The following NFU1 variants were observed in gnomAD, a reference collection of about 807,000 sequenced individuals.
NFU1 encodes NFU1 iron-sulfur cluster scaffold homolog, mitochondrial.
Under a neutral mutation model 32.2 loss-of-function variants are expected in NFU1, and 30 were observed. The ratio of observed to expected loss-of-function variants is 0.93; its 90% confidence interval spans 0.70 to 1.26. The LOEUF is 1.26. Ranked by LOEUF, NFU1 falls within the 50% of genes most tolerant of loss-of-function variation. The pLI is 0.00. For synonymous variants in NFU1, 112 were observed against 104.6 expected (o/e 1.07, Z -0.43); for missense variants, 306 against 306.6 (o/e 1.00, Z 0.02).
At chr2:69,397,073 C>CAA (rs770570734) in intron 7 of NFU1, among the ~76,000 whole-genome samples, 14 of 111,202 alleles carry the variant, frequency 1.3e-4, no homozygotes, top group African/African-American at 4.3e-4. Flanking sequence ...GACTCCGTCT[C>CAA]AAAAAAAAAA....
downstream of NFU1, chr2:69,396,053 C>A: frequency 2.0e-6 from 1 of 504,270 alleles, no homozygotes. Flanking sequence ...TGGATAAAAT[C>A]CACGTGTACA....
At chr2:69,413,121 C>T (rs1458923626) in intron 5 of NFU1, among the ~76,000 whole-genome samples, 1 of 151,152 alleles carries the variant, frequency 6.6e-6, no homozygotes, top group East Asian at 2.0e-4. Flanking sequence ...CCCGTCTCTA[C>T]TAAAAATAGA....
At chr2:69,421,834 T>C (rs1281694657) in intron 3 of NFU1, among the ~76,000 whole-genome samples, 1 of 152,028 alleles carries the variant, frequency 6.6e-6, no homozygotes, top group Non-Finnish European at 1.5e-5. Context: ...AGTGCTGGGA[T>C]TACAGGGATG....
upstream of NFU1, chr2:69,437,543 T>C: frequency 7.9e-7 from 1 of 1,269,786 alleles, no homozygotes; most frequent in Non-Finnish European, 1.1e-6. Flanking sequence ...CGGGCGGTCC[T>C]GCTGCGGATA....
chr2:69,416,634 A>G (rs182370954), intron 4 of NFU1, among the ~76,000 whole-genome samples: 147 of 152,314 alleles, frequency 9.7e-4, no homozygotes, highest in Middle Eastern at 3.4e-3. Flanking sequence ...ATGGTGGCTC[A>G]TGCCTGTAAT....
chr2:69,424,219 A>ATATATATC (rs1427664911), intron 2 of NFU1, among the ~76,000 whole-genome samples: 103 of 126,866 alleles, frequency 8.1e-4, no homozygotes, highest in African/African-American at 2.9e-3. Context: ...ATATATATAT[A>ATATATATC]TCTCAATATA....
At chr2:69,404,660 C>T (rs1313976170) in intron 6 of NFU1, among the ~76,000 whole-genome samples, 11 of 80,216 alleles carry the variant, frequency 1.4e-4, no homozygotes, top group Non-Finnish European at 1.6e-4. Flanking sequence ...TTGCTCGTCG[C>T]CCAGGCTGGA....
intron 4 of NFU1, among the ~76,000 whole-genome samples, chr2:69,418,931 A>C (rs554204711): frequency 6.6e-6 from 1 of 152,352 alleles, no homozygotes; most frequent in East Asian, 1.9e-4. Flanking sequence ...TACATAGTTC[A>C]AATTTAAATA....
chr2:69,406,940 T>C (rs933707153), intron 5 of NFU1, among the ~76,000 whole-genome samples: 8 of 152,166 alleles, frequency 5.3e-5, no homozygotes, highest in African/African-American at 1.7e-4. Flanking sequence ...CGAGATCTGA[T>C]CGTTTTATAA....
chr2:69,432,035 T>G lies in NFU1; in HGVS notation c.63-30A>C, dbSNP rs777509270. 5.7e-6 allele frequency: 8 copies of G among 1,409,612 alleles called. No homozygotes were observed. The Admixed American group carries it at 1.3e-4, about 24-fold the overall frequency. The allele number at this position is 1,409,612 out of a possible 1,614,324, so 87.3% of individuals were successfully genotyped here. A position where few individuals can be genotyped will look rare whatever the true frequency, so the allele number is the denominator to read the frequency against. On this transcript the variant is annotated intron_variant, in intron 1 of 7. Transcript: ENST00000410022. The stretch of plus-strand genomic sequence containing the variant: ...ATTTAAAAGCACATAATGAATGACA[T>G]TTTAAGAGCTCTAATCTTTTAAAGT...
chr2:69,432,047 T>C (rs751563868), intron 1 of NFU1, 42 bp from the exon 2 acceptor site: 1 of 1,328,536 alleles, frequency 7.5e-7, no homozygotes. Context: ...TTAAGAGCTC[T>C]AATCTTTTAA....
Position 69,400,345 on chromosome 2 carries a change from T to C in NFU1, c.720+19A>G. On this transcript the variant is annotated intron_variant, in intron 7 of 7. Coordinates refer to ENST00000410022, the MANE Select transcript of NFU1 (RefSeq NM_001002755.4). The stretch of plus-strand genomic sequence containing the variant: ...GAAAAAATGAAAAAAATCTAGACTG[T>C]CATATAATATTGGCATACCTGTTCT... 6.2e-7 allele frequency: 1 copy of C among 1,605,330 alleles called. No individual in the cohort carries two copies. The highest frequency in any genetic ancestry group is 8.5e-7 in the Non-Finnish European group (1 of 1,172,040).
intron 2 of NFU1, among the ~76,000 whole-genome samples, chr2:69,425,450 G>GGA (rs1558842035): frequency 1.3e-5 from 2 of 151,274 alleles, no homozygotes; most frequent in Non-Finnish European, 2.9e-5. Context: ...TGCCCCCTAA[G>GGA]TTCAAGTGAT....
intron 2 of NFU1, among the ~76,000 whole-genome samples, chr2:69,429,289 T>A (rs932075666): frequency 6.6e-5 from 10 of 152,152 alleles, no homozygotes; most frequent in Admixed American, 5.2e-4. Flanking sequence ...TTCAACTGGG[T>A]GCATCAGCTC....
chr2:69,437,470 C>A, upstream of NFU1: 1 of 1,591,780 alleles, frequency 6.3e-7, no homozygotes. Flanking sequence ...CACGAAAGAT[C>A]TGCGCAGCCG....
At chr2:69,437,597 C>A (rs764708513), upstream of NFU1, 41 of 773,822 alleles carry the variant, frequency 5.3e-5, 1 homozygote, top group East Asian at 1.1e-3. Context: ...TACTGCGTCA[C>A]CCTGACCAAG....
At chr2:69,437,556 T>C (rs768859205), upstream of NFU1, 98 of 1,086,850 alleles carry the variant, frequency 9.0e-5, no homozygotes, top group Admixed American at 1.2e-4. Flanking sequence ...TGCGGATAAG[T>C]GCGGTGGCCT....
chr2:69,429,164 T>A (rs1221877595), intron 2 of NFU1, among the ~76,000 whole-genome samples: 1 of 152,226 alleles, frequency 6.6e-6, no homozygotes, highest in Non-Finnish European at 1.5e-5. Context: ...TTTCTGTAAA[T>A]AATCTTCTAA....
chr2:69,403,925 G>A (rs897552823), intron 6 of NFU1, among the ~76,000 whole-genome samples: 9 of 150,160 alleles, frequency 6.0e-5, no homozygotes, highest in Admixed American at 4.0e-4. Context: ...TGCAAGCTCC[G>A]CCTCCCAGGT....
Sources: allele counts gnomAD v4.1 joint callset (sites outside exome capture counted in the v4.1 genomes callset), GRCh38; gene constraint gnomAD v4.1.1; transcripts MANE v1.5; gene names NCBI Gene and HGNC (gene_info 2026-07-23, HGNC 2026-07-21).